TSG101: variants seen among roughly 807,000 people sequenced by gnomAD.
TSG101 encodes the protein tumor susceptibility 101.
Under a neutral mutation model 48.5 loss-of-function variants are expected in TSG101, and 19 were observed. The observed-to-expected ratio is 0.39, with a 90% CI of 0.27 to 0.58. The LOEUF (loss-of-function observed/expected upper bound fraction) is 0.58. Among genes scored for constraint, TSG101 ranks in the 20% least tolerant of loss-of-function variants. The probability of loss-of-function intolerance (pLI) is 0.55; values close to 1 mark genes in which losing one functional copy is unlikely to be tolerated. For missense variants in TSG101, 365 were observed against 484.4 expected (o/e 0.75, Z 2.31); for synonymous variants, 174 against 169.4 (o/e 1.03, Z -0.21).
chr11:18,506,723 G>C (rs1425479541), intron 6 of TSG101, 134 bp downstream of exon 6: 1 of 594,712 alleles, frequency 1.7e-6, no homozygotes, highest in Non-Finnish European at 2.7e-6. Flanking sequence ...ATAAATTCCA[G>C]GAATAAACCA....
intron 7 of TSG101, among the ~76,000 whole-genome samples, chr11:18,484,814 T>A (rs1232513577): frequency 6.6e-6 from 1 of 152,236 alleles, no homozygotes; most frequent in Non-Finnish European, 1.5e-5. Context: ...TTTATGACTA[T>A]CAGTGTTCTT....
At chr11:18,496,253 TAGG>T (rs1314505997) in intron 7 of TSG101, among the ~76,000 whole-genome samples, 2 of 151,760 alleles carry the variant, frequency 1.3e-5, no homozygotes, top group African/African-American at 4.8e-5. Context: ...CACCTGAGGT[TAGG>T]AGATTGACCA....
rs1043266113 is a variant in TSG101 at position 18,526,877 on chromosome 11, C to T, written c.-61G>A. ...AGGGTCAGCCGCTGCTGGGCTGCCC[C>T]AGACCGTCCCACACAATCGCACACC... On this transcript the variant is annotated 5_prime_UTR_variant, in exon 1 of 10. Coordinates refer to ENST00000251968, the MANE Select transcript of TSG101 (RefSeq NM_006292.4). 3.5e-5 allele frequency: 55 copies of T among 1,561,702 alleles called. No individual in the cohort carries two copies. Among genetic ancestry groups the T allele is most frequent in the Non-Finnish European group, 4.6e-5 (53 of 1,158,148 alleles).
At chr11:18,522,728 T>C (rs1850299617) in intron 1 of TSG101, among the ~76,000 whole-genome samples, 1 of 152,196 alleles carries the variant, frequency 6.6e-6, no homozygotes, top group Admixed American at 6.5e-5. Flanking sequence ...TCCCATACCA[T>C]TGATGCTGTC....
At chr11:18,524,216 A>G (rs1354336293) in intron 1 of TSG101, among the ~76,000 whole-genome samples, 1 of 152,274 alleles carries the variant, frequency 6.6e-6, no homozygotes, top group Non-Finnish European at 1.5e-5. Context: ...CTGTAAAAGA[A>G]GAAGGACTAA....
intron 7 of TSG101, among the ~76,000 whole-genome samples, chr11:18,497,671 AACAGCACTATTCCTAT>A: frequency 6.6e-6 from 1 of 152,238 alleles, no homozygotes; most frequent in Non-Finnish European, 1.5e-5. Flanking sequence ...CAGGGTGACA[AACAGCACTATTCCTAT>A]TTTATTGATA....
chr11:18,492,161 T>A (rs898483353), intron 7 of TSG101, among the ~76,000 whole-genome samples: 2 of 152,238 alleles, frequency 1.3e-5, no homozygotes, highest in African/African-American at 4.8e-5. Context: ...AAAGGAATTT[T>A]AAAACCTTTC....
intron 5 of TSG101, among the ~76,000 whole-genome samples, chr11:18,507,150 A>G (rs1197195802): frequency 6.6e-6 from 1 of 152,264 alleles, no homozygotes; most frequent in African/African-American, 2.4e-5. Flanking sequence ...ACTGGCAAAC[A>G]GGTCAACCTG....
rs1168138411 is a variant in TSG101 at position 18,480,552 on chromosome 11, G to A, written c.1167C>T (p.Leu389=). ...KARKTAGLSD[L]Y ...CCAGCTGGTATCAGAGAAGTCAGTAGAGGTCACTGAGACCGGCAGTCTTTC... is the reference window on the plus strand; with the variant it reads ...CCAGCTGGTATCAGAGAAGTCAGTAAAGGTCACTGAGACCGGCAGTCTTTC... The change falls in exon 10 of 10, where the codon CTC becomes CTT. Residue 389 remains leucine, a synonymous_variant. Transcript: ENST00000251968. The A allele has an allele frequency of 6.2e-7, 1 of 1,613,354 alleles. No individual in the cohort carries two copies. Among genetic ancestry groups the A allele is most frequent in the Non-Finnish European group, 8.5e-7 (1 of 1,179,668 alleles).
At chr11:18,521,253 C>CA (rs985330887) in intron 1 of TSG101, among the ~76,000 whole-genome samples, 1 of 151,638 alleles carries the variant, frequency 6.6e-6, no homozygotes, top group African/African-American at 2.4e-5. Flanking sequence ...TTAAGGTCAC[C>CA]AATAACTGCC....
Position 18,518,334 on chromosome 11 carries a change from G to C in TSG101, c.127+1185C>G, listed in dbSNP as rs560443379. Among the ~76,000 whole-genome samples the C allele has an allele frequency of 2.6e-5, 4 of 152,254 alleles. No individual in the cohort carries two copies. In the East Asian group the frequency reaches 7.7e-4, roughly 29 times the overall value. The stretch of plus-strand genomic sequence containing the variant: ...GTTTCCTAATGTTTTCAAAGCCTTG[G>C]AAGCAAATGAAATTTAGAAAGTCTC... On this transcript the variant is annotated intron_variant, in intron 2 of 9. Coordinates refer to ENST00000251968, the MANE Select transcript of TSG101 (RefSeq NM_006292.4).
intron 1 of TSG101, among the ~76,000 whole-genome samples, chr11:18,520,494 G>T (rs1850252037): frequency 6.6e-6 from 1 of 152,082 alleles, no homozygotes; most frequent in African/African-American, 2.4e-5. Context: ...CAAAGTGTTG[G>T]GATTTACAGG....
At chr11:18,516,015 G>T in intron 3 of TSG101, 84 bp downstream of exon 3, 2 of 1,223,898 alleles carry the variant, frequency 1.6e-6, no homozygotes, top group Non-Finnish European at 2.3e-6. Flanking sequence ...GAGAAAGTAG[G>T]TTTAATTTGG....
intron 7 of TSG101, among the ~76,000 whole-genome samples, chr11:18,487,122 G>A: frequency 8.5e-6 from 1 of 117,924 alleles, no homozygotes; most frequent in Non-Finnish European, 1.7e-5. Context: ...CCTGTTGTGG[G>A]GTGGGGGGAG....
At chr11:18,525,129 G>C (rs958318469) in intron 1 of TSG101, among the ~76,000 whole-genome samples, 1 of 151,950 alleles carries the variant, frequency 6.6e-6, no homozygotes, top group African/African-American at 2.4e-5. Context: ...GGCTGGTCTT[G>C]AACTCGTGAC....
chr11:18,508,306 C>T (rs1476707314), intron 5 of TSG101, among the ~76,000 whole-genome samples: 1 of 148,938 alleles, frequency 6.7e-6, no homozygotes. Flanking sequence ...ACTGCAACAT[C>T]TGCCTCAGCC....
At chr11:18,494,521 C>T (rs1435576753) in intron 7 of TSG101, among the ~76,000 whole-genome samples, 1 of 152,124 alleles carries the variant, frequency 6.6e-6, no homozygotes, top group Non-Finnish European at 1.5e-5. Flanking sequence ...ATCATTATTG[C>T]TTTGAATTTC....
intron 1 of TSG101, among the ~76,000 whole-genome samples, chr11:18,524,200 T>C (rs966691047): frequency 1.3e-5 from 2 of 152,260 alleles, no homozygotes; most frequent in South Asian, 4.1e-4. Context: ...AAGTGGGAAG[T>C]TGTTTCTGTA....
At chr11:18,495,812 A>C (rs1011052223) in intron 7 of TSG101, among the ~76,000 whole-genome samples, 1 of 151,964 alleles carries the variant, frequency 6.6e-6, no homozygotes, top group Non-Finnish European at 1.5e-5. Flanking sequence ...AGGACTCTAC[A>C]TAGATCAAGG....
Sources: allele counts gnomAD v4.1 joint callset (sites outside exome capture counted in the v4.1 genomes callset), GRCh38; gene constraint gnomAD v4.1.1; transcripts MANE v1.5; gene names NCBI Gene and HGNC (gene_info 2026-07-23, HGNC 2026-07-21).